SAE1: variants seen among roughly 807,000 people sequenced by gnomAD.
SAE1 encodes SUMO-activating enzyme subunit 1.
Under a neutral mutation model 40.6 loss-of-function variants are expected in SAE1, and 11 were observed. The ratio of observed to expected loss-of-function variants is 0.27; its 90% CI spans 0.17 to 0.45. SAE1 has a LOEUF of 0.45. Among genes scored for constraint, SAE1 ranks in the 20% least tolerant of loss-of-function variants. SAE1 has a pLI of 1.00. For synonymous variants in SAE1, 155 were observed against 154.3 expected, an observed-to-expected ratio of 1.00 and a Z score of -0.03; for missense variants, 373 against 427.3, an observed-to-expected ratio of 0.87 and a Z score of 1.12.
chr19:47,192,734 T>C (rs2058587204), intron 6 of SAE1, among the ~76,000 whole-genome samples: 1 of 151,810 alleles, frequency 6.6e-6, no homozygotes, highest in Admixed American at 6.6e-5. Flanking sequence ...GAGATGGGGT[T>C]TCACCATGTT....
rs530515581 is a variant in SAE1 at position 47,184,971 on chromosome 19, C to G, written c.734-12262C>G. Among the ~76,000 whole-genome samples, 9 of 151,816 alleles carry G rather than the reference C, an allele frequency of 5.9e-5. No homozygotes were observed. In the East Asian group the frequency reaches 1.2e-3, roughly 20 times the overall value. On this transcript the variant is annotated intron_variant, in intron 6 of 8. Transcript: ENST00000270225. ...AGTAGCTGGAATTACAGGTGCCCACCACCATGCCCAGCTAATTTTTGTAGT... is the reference window on the plus strand; with the variant it reads ...AGTAGCTGGAATTACAGGTGCCCACGACCATGCCCAGCTAATTTTTGTAGT...
intron 8 of SAE1, among the ~76,000 whole-genome samples, chr19:47,205,320 CTTTT>C (rs11291244): frequency 7.7e-6 from 1 of 129,246 alleles, no homozygotes; most frequent in African/African-American, 2.9e-5. Context: ...CCTAAGGCTA[CTTTT>C]TTTTTTTTTT....
chr19:47,200,927 G>A (rs1003588913), intron 7 of SAE1, among the ~76,000 whole-genome samples: 2 of 152,010 alleles, frequency 1.3e-5, no homozygotes, highest in Non-Finnish European at 2.9e-5. Flanking sequence ...GCATGATCTC[G>A]GCTCACTGCA....
intron 8 of SAE1, among the ~76,000 whole-genome samples, chr19:47,205,674 C>G (rs2058682909): frequency 6.6e-6 from 1 of 152,210 alleles, no homozygotes; most frequent in African/African-American, 2.4e-5. Context: ...AAAATGACGA[C>G]ACCACCAATA....
At position 47,194,935 on chromosome 19, in the gene SAE1, G is replaced by A. The variant is rs144258093; in HGVS notation, c.734-2298G>A. Among the ~76,000 whole-genome samples the A allele has an allele frequency of 7.0e-3, 1,064 of 151,748 alleles. 10 individuals are homozygous for A. The highest frequency in any genetic ancestry group is 0.025 in the African/African-American group (1,028 of 41,376). ...TTTATGTATTTTTTTAGTAGAGACG[G>A]GGTTTCACCATGTTGGCCAGGCTGG... On this transcript the variant is annotated intron_variant, in intron 6 of 8. Transcript: ENST00000270225.
intron 6 of SAE1, among the ~76,000 whole-genome samples, chr19:47,182,578 G>A (rs1725481469): frequency 6.6e-6 from 1 of 151,790 alleles, no homozygotes; most frequent in South Asian, 2.1e-4. Context: ...AAGGAAGAAG[G>A]CACCACCATG....
chr19:47,170,207 T>A (rs957313997), intron 6 of SAE1, among the ~76,000 whole-genome samples: 2 of 151,558 alleles, frequency 1.3e-5, no homozygotes, highest in African/African-American at 4.8e-5. Context: ...GAGAAACCTC[T>A]TTTTTTTTCT....
chr19:47,184,392 C>G (rs1268214350), intron 6 of SAE1, among the ~76,000 whole-genome samples: 1 of 152,028 alleles, frequency 6.6e-6, no homozygotes, highest in Non-Finnish European at 1.5e-5. Flanking sequence ...CTACCTCATT[C>G]TGTCTTTTTT....
chr19:47,146,125 T>C (rs2058254380), intron 2 of SAE1, among the ~76,000 whole-genome samples: 1 of 151,900 alleles, frequency 6.6e-6, no homozygotes, highest in African/African-American at 2.4e-5. Context: ...GTGGTAGAAA[T>C]GGAAGCTAAA....
At chr19:47,164,815 A>G (rs964396237) in intron 5 of SAE1, among the ~76,000 whole-genome samples, 4 of 150,624 alleles carry the variant, frequency 2.7e-5, no homozygotes, top group African/African-American at 9.8e-5. Flanking sequence ...CGCCCAGCTA[A>G]TTTTATTTTT....
intron 5 of SAE1, among the ~76,000 whole-genome samples, chr19:47,167,600 C>G (rs2058402397): frequency 6.6e-6 from 1 of 152,136 alleles, no homozygotes; most frequent in South Asian, 2.1e-4. Flanking sequence ...TGTAAACTGC[C>G]TGGTAACTGA....
intron 2 of SAE1, among the ~76,000 whole-genome samples, chr19:47,149,250 A>C (rs2058272774): frequency 6.9e-6 from 1 of 144,468 alleles, no homozygotes; most frequent in Non-Finnish European, 1.5e-5. Flanking sequence ...AGCTCACTGC[A>C]ACCTCCGCCT....
chr19:47,177,980 C>T (rs1056691474), intron 6 of SAE1, among the ~76,000 whole-genome samples: 1 of 151,928 alleles, frequency 6.6e-6, no homozygotes, highest in Non-Finnish European at 1.5e-5. Context: ...CGGTGGCTCA[C>T]GCCTGTAATC....
intron 1 of SAE1, 96 bp downstream of exon 1, chr19:47,131,124 A>G: frequency 6.9e-7 from 1 of 1,440,390 alleles, no homozygotes; most frequent in African/African-American, 1.5e-5. Context: ...TGTGATTTGA[A>G]GGGAGGAGGC....
chr19:47,195,766 C>T (rs538706215), intron 6 of SAE1, among the ~76,000 whole-genome samples: 1 of 129,774 alleles, frequency 7.7e-6, no homozygotes, highest in South Asian at 2.8e-4. Flanking sequence ...GACAGGGTCT[C>T]ACTCTGTCAC....
chr19:47,198,085 A>G (rs918801340), intron 7 of SAE1, among the ~76,000 whole-genome samples: 1 of 151,036 alleles, frequency 6.6e-6, no homozygotes, highest in African/African-American at 2.4e-5. Flanking sequence ...AGAAGACCAC[A>G]TAGTGACTAG....
rs770168736 is a variant in SAE1 at position 47,197,391 on chromosome 19, T to C, written c.878+14T>C. The stretch of plus-strand genomic sequence containing the variant: ...GGACTTTGTCAGGTTGGTGTCAGTA[T>C]TTATCACTGTTTAGTCTGGACAGAT... On this transcript the variant is annotated intron_variant, in intron 7 of 8. Coordinates refer to ENST00000270225, the MANE Select transcript of SAE1 (RefSeq NM_005500.3). 4 of 1,608,838 alleles carry C rather than the reference T, an allele frequency of 2.5e-6. No individual in the cohort carries two copies. The highest frequency in any genetic ancestry group is 3.4e-6 in the Non-Finnish European group (4 of 1,177,762).
Position 47,209,460 on chromosome 19 carries a change from G to A in SAE1, c.*209G>A. The stretch of plus-strand genomic sequence containing the variant: ...CAAGGGGCGCAGGGTGGCTGTCTTT[G>A]TTCCAGCACTGTTCAGGCTGCCTGT... On this transcript the variant is annotated 3_prime_UTR_variant, in exon 9 of 9. Coordinates refer to ENST00000270225, the MANE Select transcript of SAE1 (RefSeq NM_005500.3). 1 of 797,220 alleles carries A rather than the reference G, an allele frequency of 1.3e-6. No homozygotes were observed. Among genetic ancestry groups the A allele is most frequent in the Non-Finnish European group, 2.0e-6 (1 of 506,918 alleles). 49.4% of individuals were successfully genotyped at this position (797,220 alleles called of 1,614,324 possible).
At position 47,130,898 on chromosome 19, in the gene SAE1, G is replaced by T. The variant is rs1327516555; in HGVS notation, c.-33G>T. ...GGTCCGGCGGGCGGTTGGCTTGAGC[G>T]GGACCGGAGCTGAGGCAGGAAGAGC... On this transcript the variant is annotated 5_prime_UTR_variant, in exon 1 of 9. Coordinates refer to ENST00000270225, the MANE Select transcript of SAE1 (RefSeq NM_005500.3). 5 of 1,547,982 alleles carry T rather than the reference G, an allele frequency of 3.2e-6. No individual in the cohort carries two copies. The Admixed American group carries it at 9.8e-5, about 30-fold the overall frequency.
Sources: gnomAD v4.1 joint callset for allele counts (sites outside exome capture counted in the v4.1 genomes callset) on GRCh38, gnomAD v4.1.1 for gene constraint, MANE v1.5 for transcripts, NCBI Gene and HGNC (gene_info 2026-07-23, HGNC 2026-07-21) for gene names.